CCDC192: variants seen among roughly 807,000 people sequenced by gnomAD.
CCDC192 encodes coiled-coil domain containing 192.
chr5:127,721,497 G>T (rs113641725), intron 2 of CCDC192, among the ~76,000 whole-genome samples: 2 of 152,088 alleles, frequency 1.3e-5, no homozygotes, highest in Non-Finnish European at 2.9e-5. Context: ...AACCATTCAA[G>T]AAGTCTCTAG....
chr5:127,714,259 G>A (rs80271025), intron 2 of CCDC192, among the ~76,000 whole-genome samples: 110 of 152,232 alleles, frequency 7.2e-4, no homozygotes, highest in Non-Finnish European at 1.4e-3. Flanking sequence ...ACACTTAGTT[G>A]GAGTTCATAT....
intron 5 of CCDC192, among the ~76,000 whole-genome samples, chr5:127,822,568 T>C (rs545113855): frequency 6.6e-6 from 1 of 152,144 alleles, no homozygotes; most frequent in African/African-American, 2.4e-5. Flanking sequence ...AGAGGGGTTC[T>C]GGGAGAGGGT....
chr5:127,727,341 G>A (rs776400524), intron 2 of CCDC192, among the ~76,000 whole-genome samples: 5 of 152,010 alleles, frequency 3.3e-5, no homozygotes, highest in East Asian at 1.9e-4. Flanking sequence ...GCATGGTGGC[G>A]CATGCCTGCA....
chr5:127,933,238 G>A (rs917484848), intron 6 of CCDC192, among the ~76,000 whole-genome samples: 1 of 152,210 alleles, frequency 6.6e-6, no homozygotes, highest in Non-Finnish European at 1.5e-5. Flanking sequence ...TGCATGAGAC[G>A]AAAAGTCGCT....
At chr5:127,926,164 G>T (rs1035606432) in intron 6 of CCDC192, among the ~76,000 whole-genome samples, 1 of 152,188 alleles carries the variant, frequency 6.6e-6, no homozygotes, top group Admixed American at 6.5e-5. Flanking sequence ...AAGTTCTGCC[G>T]CTGCAATTGG....
chr5:127,720,701 C>A (rs145950124), intron 2 of CCDC192, among the ~76,000 whole-genome samples: 2 of 152,360 alleles, frequency 1.3e-5, no homozygotes, highest in Non-Finnish European at 1.5e-5. Flanking sequence ...GACATCCAGG[C>A]CTTTCCATAC....
chr5:127,795,193 G>A (rs1231954665), intron 3 of CCDC192, among the ~76,000 whole-genome samples: 3 of 151,476 alleles, frequency 2.0e-5, no homozygotes. Flanking sequence ...AGGAGACTGA[G>A]GTGGGAGGAC....
chr5:127,891,859 A>G (rs959520503), intron 6 of CCDC192, among the ~76,000 whole-genome samples: 16 of 152,160 alleles, frequency 1.1e-4, no homozygotes, highest in East Asian at 1.9e-4. Context: ...TAGTGCTTTT[A>G]TGTATGGCAT....
At chr5:127,855,276 A>G (rs1435951525) in intron 5 of CCDC192, among the ~76,000 whole-genome samples, 2 of 152,226 alleles carry the variant, frequency 1.3e-5, no homozygotes, top group African/African-American at 4.8e-5. Flanking sequence ...GTAATATTCT[A>G]AATTCTACTT....
rs141348379 is a variant in CCDC192, at chr5:127,717,245, A to C, written c.114+9485A>C. Among the ~76,000 whole-genome samples the C allele has an allele frequency of 3.0e-3, 455 of 152,010 alleles. 2 individuals carry two copies. Among genetic ancestry groups the C allele is most frequent in the African/African-American group, 0.01 (420 of 41,552 alleles). ...ATTTTAAGAATTTACTTTTTGCCAC[A>C]AAAGGACACAAATAGTATGTAAATT... is the stretch of plus-strand genomic sequence containing the variant. On this transcript the variant is annotated intron_variant, in intron 2 of 6. Transcript: ENST00000514853.
chr5:127,910,189 T>C (rs982830308), intron 6 of CCDC192, among the ~76,000 whole-genome samples: 1 of 152,220 alleles, frequency 6.6e-6, no homozygotes, highest in Non-Finnish European at 1.5e-5. Context: ...TTATTTATTA[T>C]CTGAAAATAA....
intron 1 of CCDC192, among the ~76,000 whole-genome samples, chr5:127,704,012 T>C (rs1181014965): frequency 6.6e-6 from 1 of 152,240 alleles, no homozygotes; most frequent in African/African-American, 2.4e-5. Flanking sequence ...CTAGAAATTT[T>C]GCATGTTGAC....
At chr5:127,937,590 T>TA in intron 6 of CCDC192, among the ~76,000 whole-genome samples, 1 of 152,170 alleles carries the variant, frequency 6.6e-6, no homozygotes, top group Non-Finnish European at 1.5e-5. Context: ...CCCAGAACTA[T>TA]AAAAAAGTTT....
At chr5:127,888,338 C>T (rs1400098665) in intron 6 of CCDC192, among the ~76,000 whole-genome samples, 1 of 151,942 alleles carries the variant, frequency 6.6e-6, no homozygotes, top group East Asian at 1.9e-4. Context: ...ATCACTTGAA[C>T]CTGGGAGGCA....
At chr5:127,747,195 T>C (rs574470546) in intron 2 of CCDC192, among the ~76,000 whole-genome samples, 226 of 152,054 alleles carry the variant, frequency 1.5e-3, no homozygotes, top group African/African-American at 5.1e-3. Flanking sequence ...CATGCTGGTG[T>C]GCTGCACCCA....
chr5:127,778,325 A>G (rs1755991225), intron 3 of CCDC192, among the ~76,000 whole-genome samples: 1 of 152,170 alleles, frequency 6.6e-6, no homozygotes, highest in Admixed American at 6.5e-5. Context: ...TATTTTTATC[A>G]TGGAAGAGTG....
chr5:127,878,096 T>C (rs935995518), intron 6 of CCDC192, among the ~76,000 whole-genome samples: 11 of 152,228 alleles, frequency 7.2e-5, no homozygotes, highest in Non-Finnish European at 1.5e-4. Flanking sequence ...CCTCTGCTTC[T>C]CTCTGCATTG....
At chr5:127,849,288 A>G (rs1750696253) in intron 5 of CCDC192, among the ~76,000 whole-genome samples, 1 of 152,070 alleles carries the variant, frequency 6.6e-6, no homozygotes, top group African/African-American at 2.4e-5. Context: ...GTAAGCCTAG[A>G]CTGCCTTATT....
intron 5 of CCDC192, among the ~76,000 whole-genome samples, chr5:127,813,392 C>T (rs1243108557): frequency 6.6e-6 from 1 of 151,684 alleles, no homozygotes; most frequent in Non-Finnish European, 1.5e-5. Context: ...ATATCAATAC[C>T]CTCTTTTGCA....
Sources: allele counts gnomAD v4.1 joint callset (sites outside exome capture counted in the v4.1 genomes callset), GRCh38; gene constraint gnomAD v4.1.1; transcripts MANE v1.5; gene names NCBI Gene and HGNC (gene_info 2026-07-23, HGNC 2026-07-21).